The following B3GAT2 variants were observed in gnomAD, a reference collection of about 807,000 sequenced individuals.
B3GAT2 encodes beta-1,3-glucuronyltransferase 2.
B3GAT2 carries 26 observed loss-of-function variants against 27.8 expected under a neutral mutation model. That is an observed-to-expected ratio of 0.93 (90% CI 0.68 to 1.30). B3GAT2 has a LOEUF of 1.30. Ranked by LOEUF, B3GAT2 falls within the 50% of genes most tolerant of loss-of-function variation. The pLI, the probability that B3GAT2 is intolerant of heterozygous loss-of-function variation, is 0.00. For synonymous variants in B3GAT2, 218 were observed against 195.1 expected (o/e 1.12, Z -0.98); for missense variants, 458 against 459.0 (o/e 1.00, Z 0.02).
intron 1 of B3GAT2, among the ~76,000 whole-genome samples, chr6:70,920,502 A>AT (rs1194125768): frequency 6.6e-6 from 1 of 151,926 alleles, no homozygotes; most frequent in Non-Finnish European, 1.5e-5. Flanking sequence ...TGTCTTCTGC[A>AT]TTGATCTTGC....
chr6:70,935,382 A>T (rs2150047216), intron 1 of B3GAT2, among the ~76,000 whole-genome samples: 1 of 152,216 alleles, frequency 6.6e-6, no homozygotes, highest in Admixed American at 6.5e-5. Flanking sequence ...TGACCCAGGG[A>T]GGTGGAGGCT....
intron 1 of B3GAT2, among the ~76,000 whole-genome samples, chr6:70,936,544 A>G (rs1466524600): frequency 1.3e-5 from 2 of 152,156 alleles, no homozygotes; most frequent in African/African-American, 4.8e-5. Flanking sequence ...AGAAATTATA[A>G]CAAACTGTCT....
rs1771665668 is a variant in B3GAT2 at position 70,860,418 on chromosome 6, A to ATAT, written c.*1242_*1244dup. 2 of 1,487,772 alleles carry ATAT rather than the reference A, an allele frequency of 1.3e-6. No individual in the cohort carries two copies. Among genetic ancestry groups the ATAT allele is most frequent in the Non-Finnish European group, 9.0e-7 (1 of 1,109,740 alleles). The allele number at this position is 1,487,772 out of a possible 1,614,324, so 92.2% of individuals were successfully genotyped here. ...CTAGTTCCCCTGTTTATTCATATGCATATTTTTTTTCTTTTTACCCATTTG... is the reference window on the plus strand; with the variant it reads ...CTAGTTCCCCTGTTTATTCATATGCATATTATTTTTTTTCTTTTTACCCATTTG... On this transcript the variant is annotated 3_prime_UTR_variant, in exon 4 of 4. Coordinates refer to ENST00000230053, the MANE Select transcript of B3GAT2 (RefSeq NM_080742.3).
chr6:70,880,675 AGAGTCTTGCTCTGT>A (rs1344873035), intron 2 of B3GAT2, among the ~76,000 whole-genome samples: 24 of 146,208 alleles, frequency 1.6e-4, no homozygotes, highest in African/African-American at 4.1e-4. Context: ...TTTTTGAAAC[AGAGTCTTGCTCTGT>A]GAGTCTTGCT....
intron 2 of B3GAT2, among the ~76,000 whole-genome samples, chr6:70,890,936 T>A (rs1286190750): frequency 6.6e-6 from 1 of 152,178 alleles, no homozygotes. Context: ...CTAATAAATA[T>A]CTGTTTTAAG....
At chr6:70,870,615 T>G (rs1368160497) in intron 2 of B3GAT2, among the ~76,000 whole-genome samples, 7 of 152,010 alleles carry the variant, frequency 4.6e-5, no homozygotes, top group African/African-American at 9.7e-5. Flanking sequence ...AAATAAACCC[T>G]CAAGAAAATC....
At position 70,919,008 on chromosome 6, in the gene B3GAT2, T is replaced by C. The variant is rs1039428619; in HGVS notation, c.592-24736A>G. Among the ~76,000 whole-genome samples the C allele has an allele frequency of 2.0e-5, 3 of 152,246 alleles. No homozygotes were observed. The East Asian group carries it at 5.8e-4, about 29-fold the overall frequency. On this transcript the variant is annotated intron_variant, in intron 1 of 3. Transcript: ENST00000230053. ...AGAGTGTTTTATAACCTGGTTCCAT[T>C]CTCCCTGTCACTTTCAGGTACACCA...
At chr6:70,924,257 T>G (rs1181801964) in intron 1 of B3GAT2, among the ~76,000 whole-genome samples, 1 of 152,062 alleles carries the variant, frequency 6.6e-6, no homozygotes, top group Admixed American at 6.6e-5. Context: ...TGAAAGAAAT[T>G]AAAGACCACA....
At chr6:70,893,966 G>T (rs895646675) in intron 2 of B3GAT2, among the ~76,000 whole-genome samples, 162 bp downstream of exon 2, 1 of 152,130 alleles carries the variant, frequency 6.6e-6, no homozygotes, top group Non-Finnish European at 1.5e-5. Flanking sequence ...TCTAACCAAA[G>T]AGCCTATTTT....
Position 70,857,831 on chromosome 6 carries a change from A to G in B3GAT2, c.*3832T>C. On this transcript the variant is annotated 3_prime_UTR_variant, in exon 4 of 4. Transcript: ENST00000230053. ...TGGAATTAAAATGTTTGCTGTGAGT[A>G]GTTCAGAAAGGCAATTTTTCTGTGA... The G allele has an allele frequency of 7.2e-7, 1 of 1,386,274 alleles. No individual in the cohort carries two copies. Among genetic ancestry groups the G allele is most frequent in the Non-Finnish European group, 9.9e-7 (1 of 1,009,540 alleles). The allele number at this position is 1,386,274 out of a possible 1,614,324, so 85.9% of individuals were successfully genotyped here.
intron 1 of B3GAT2, among the ~76,000 whole-genome samples, chr6:70,912,267 C>T (rs978403142): frequency 5.3e-5 from 8 of 151,966 alleles, no homozygotes; most frequent in Non-Finnish European, 8.8e-5. Context: ...GATTTTTTCA[C>T]AGATAGCTCT....
At chr6:70,920,136 C>T (rs779156355) in intron 1 of B3GAT2, among the ~76,000 whole-genome samples, 4 of 152,274 alleles carry the variant, frequency 2.6e-5, no homozygotes, top group South Asian at 2.1e-4. Flanking sequence ...TGGTGGACGC[C>T]GCTCCCCACC....
At chr6:70,891,065 C>T (rs1772280561) in intron 2 of B3GAT2, among the ~76,000 whole-genome samples, 1 of 152,214 alleles carries the variant, frequency 6.6e-6, no homozygotes, top group Non-Finnish European at 1.5e-5. Context: ...GAGTCTGTCA[C>T]TTGAAATTAA....
chr6:70,899,947 C>T (rs1772468325), intron 1 of B3GAT2, among the ~76,000 whole-genome samples: 1 of 152,160 alleles, frequency 6.6e-6, no homozygotes, highest in African/African-American at 2.4e-5. Flanking sequence ...ATAGCAGTTA[C>T]ATAACAAACA....
intron 2 of B3GAT2, among the ~76,000 whole-genome samples, chr6:70,869,655 C>A (rs1771903322): frequency 6.6e-6 from 1 of 152,146 alleles, no homozygotes; most frequent in Admixed American, 6.6e-5. Context: ...ATTTCTGACA[C>A]TATTGTGAAT....
In B3GAT2 at chr6:70,957,050, G is replaced by C. The variant is rs1445870944; in HGVS notation, c.-621C>G. 1.1e-5 allele frequency: 11 copies of C among 986,388 alleles called. No homozygotes were observed. In the South Asian group the frequency reaches 3.8e-4, roughly 34 times the overall value. The allele number at this position is 986,388 out of a possible 1,614,324, so 61.1% of individuals were successfully genotyped here. A position where few individuals can be genotyped will look rare whatever the true frequency, so the allele number is the denominator to read the frequency against. ...CTCTTGTCTTCTCAGAACCTCTCCG[G>C]ATCCAGCAGCAAGATCCCAAAGCAA... On this transcript the variant is annotated 5_prime_UTR_variant, in exon 1 of 4. It adds an upstream start codon to the 5' untranslated region. Transcript: ENST00000230053.
chr6:70,887,409 G>A (rs945913375), intron 2 of B3GAT2, among the ~76,000 whole-genome samples: 8 of 152,066 alleles, frequency 5.3e-5, no homozygotes, highest in South Asian at 2.1e-4. Context: ...GTGATCCCTC[G>A]ACCCCCTCCA....
chr6:70,944,734 G>C (rs539838548), intron 1 of B3GAT2, among the ~76,000 whole-genome samples: 16 of 152,226 alleles, frequency 1.1e-4, no homozygotes, highest in African/African-American at 3.9e-4. Context: ...CTCCCAGCAC[G>C]CAGCTGGAGA....
chr6:70,859,244 C>G lies in B3GAT2; in HGVS notation c.*2419G>C. The G allele has an allele frequency of 1.1e-6, 1 of 890,090 alleles. No individual in the cohort carries two copies. Among genetic ancestry groups the G allele is most frequent in the Non-Finnish European group, 1.7e-6 (1 of 587,604 alleles). 55.1% of individuals were successfully genotyped at this position (890,090 alleles called of 1,614,324 possible). A position where few individuals can be genotyped will look rare whatever the true frequency, so the allele number is the denominator to read the frequency against. On this transcript the variant is annotated 3_prime_UTR_variant, in exon 4 of 4. Transcript: ENST00000230053. ...AATTGTATGTGCTAAGTGTCAGTCA[C>G]ATGGTCAACATGCTGAAGCACACCC...
Sources: allele counts gnomAD v4.1 joint callset (sites outside exome capture counted in the v4.1 genomes callset), GRCh38; gene constraint gnomAD v4.1.1; transcripts MANE v1.5; gene names NCBI Gene and HGNC (gene_info 2026-07-23, HGNC 2026-07-21).